Variants in IPO11 observed in about 807,000 individuals in gnomAD.
IPO11 encodes importin 11, also known as importin-11.
In IPO11, 66 loss-of-function variants were observed where a neutral mutation model predicts 143.2. That is an observed-to-expected ratio of 0.46 (90% CI 0.38 to 0.57). The LOEUF (loss-of-function observed/expected upper bound fraction) is 0.57, where lower values mean the gene tolerates loss of function less well. Ranked by LOEUF, IPO11 falls within the 20% of genes least tolerant of loss-of-function variation. The pLI is 0.00. For missense variants in IPO11, 1,026 were observed against 1,141.0 expected, an observed-to-expected ratio of 0.90 and a Z score of 1.45; for synonymous variants, 385 against 377.8, an observed-to-expected ratio of 1.02 and a Z score of -0.22.
At chr5:62,580,917 C>T (rs1458827214) in intron 27 of IPO11, 1 of 1,551,250 alleles carries the variant, frequency 6.4e-7, no homozygotes. Flanking sequence ...CTTCTGTTAC[C>T]TTGAACTTGG....
chr5:62,516,542 C>T (rs1742027837), intron 20 of IPO11, among the ~76,000 whole-genome samples: 1 of 152,096 alleles, frequency 6.6e-6, no homozygotes. Context: ...GATCCGCCCA[C>T]CTCAGGCTCC....
chr5:62,579,638 T>C, intron 27 of IPO11: 1 of 1,549,666 alleles, frequency 6.5e-7, no homozygotes, highest in Non-Finnish European at 8.7e-7. Flanking sequence ...TTTCTGTATC[T>C]GACTGGGAAT....
chr5:62,481,276 G>A (rs1313441236), intron 9 of IPO11, among the ~76,000 whole-genome samples: 5 of 152,036 alleles, frequency 3.3e-5, no homozygotes, highest in Non-Finnish European at 5.9e-5. Flanking sequence ...GATTGCCCTG[G>A]CCGGAACTTC....
intron 19 of IPO11, among the ~76,000 whole-genome samples, chr5:62,508,435 A>T (rs114579498): frequency 6.6e-6 from 1 of 151,668 alleles, no homozygotes; most frequent in Non-Finnish European, 1.5e-5. Flanking sequence ...GATGAGAACC[A>T]CCGCAGCTGG....
intron 2 of IPO11, among the ~76,000 whole-genome samples, chr5:62,438,537 G>C (rs970498359): frequency 7.9e-5 from 12 of 152,174 alleles, no homozygotes; most frequent in African/African-American, 2.6e-4. Flanking sequence ...TGGATCACCT[G>C]AGGTCAGGAG....
chr5:62,482,226 CA>C (rs1746239852), intron 9 of IPO11, among the ~76,000 whole-genome samples: 1 of 152,026 alleles, frequency 6.6e-6, no homozygotes, highest in Non-Finnish European at 1.5e-5. Flanking sequence ...TTGATCTTTT[CA>C]AAAAACCAGC....
chr5:62,494,836 TA>T (rs1334735874), intron 16 of IPO11, among the ~76,000 whole-genome samples: 1 of 152,186 alleles, frequency 6.6e-6, no homozygotes, highest in Non-Finnish European at 1.5e-5. Context: ...TTGTTTTAGG[TA>T]AAATTAAGTG....
intron 29 of IPO11, among the ~76,000 whole-genome samples, chr5:62,621,412 A>G (rs984858041): frequency 1.3e-5 from 2 of 152,206 alleles, no homozygotes; most frequent in Non-Finnish European, 2.9e-5. Flanking sequence ...TCAGGTTACC[A>G]CACAGGAACA....
intron 10 of IPO11, among the ~76,000 whole-genome samples, chr5:62,483,791 T>C (rs1746300153): frequency 6.6e-6 from 1 of 152,196 alleles, no homozygotes; most frequent in South Asian, 2.1e-4. Context: ...CGTGATGGTA[T>C]TGCATGGTAA....
At chr5:62,474,665 T>C (rs1338546093) in intron 8 of IPO11, among the ~76,000 whole-genome samples, 1 of 152,232 alleles carries the variant, frequency 6.6e-6, no homozygotes, top group East Asian at 1.9e-4. Flanking sequence ...AGATCCTATA[T>C]GTAGCTAAAA....
chr5:62,485,454 AGT>A lies in IPO11; in HGVS notation c.1211_1212del (p.Ser404IlefsTer6). 2 of 1,607,620 alleles carry A rather than the reference AGT, an allele frequency of 1.2e-6. No individual in the cohort carries two copies. Among genetic ancestry groups the A allele is most frequent in the Non-Finnish European group, 1.7e-6 (2 of 1,174,316 alleles). On this transcript the variant is annotated frameshift_variant, in exon 12 of 30. Coordinates refer to ENST00000325324, the MANE Select transcript of IPO11 (RefSeq NM_016338.5). LOFTEE classifies it high-confidence loss of function. Reference protein sequence around the residue: ...EETGGDSWKYSLRPCTEVLFI... With the variant: ...EETGGDSWKYXLRPCTEVLFI... ...AACAGGAGGAGATTCTTGGAAATAT[AGT>A]TTGAGGGTAAGTATTAATTGCAAGA...
intron 5 of IPO11, among the ~76,000 whole-genome samples, chr5:62,456,019 C>T (rs1226214274): frequency 6.6e-6 from 1 of 152,030 alleles, no homozygotes; most frequent in Non-Finnish European, 1.5e-5. Flanking sequence ...ACCACTGTGC[C>T]TGGCCAGGAA....
intron 3 of IPO11, among the ~76,000 whole-genome samples, chr5:62,448,793 A>G (rs548585218): frequency 6.6e-5 from 10 of 152,158 alleles, no homozygotes; most frequent in Non-Finnish European, 1.5e-4. Context: ...TCCTGGCCCC[A>G]AGCAGTCCTT....
Position 62,437,304 on chromosome 5 carries a change from G to A in IPO11, c.25G>A (p.Val9Ile), listed in dbSNP as rs1212918759. ...CATGGATCTCAATAGTGCCAGCACT[G>A]TTGTTCTTCAGGTGTTAACACAGGC... MDLNSAST[V>I]VLQVLTQATS... Residue 9 changes from valine to isoleucine, a missense_variant, in exon 2 of 30, where the codon GTT (valine) becomes ATT (isoleucine). Transcript: ENST00000325324. 1.4e-5 allele frequency: 22 copies of A among 1,610,630 alleles called. No homozygotes were observed. Among genetic ancestry groups the A allele is most frequent in the South Asian group, 4.4e-5 (4 of 90,458 alleles).
At chr5:62,433,521 A>G (rs965075781) in intron 1 of IPO11, among the ~76,000 whole-genome samples, 2 of 152,200 alleles carry the variant, frequency 1.3e-5, no homozygotes, top group African/African-American at 4.8e-5. Context: ...CTCTCACCCC[A>G]GTAGCCCACA....
At chr5:62,590,543 C>G (rs978970898) in intron 27 of IPO11, among the ~76,000 whole-genome samples, 6 of 152,144 alleles carry the variant, frequency 3.9e-5, no homozygotes, top group Admixed American at 2.0e-4. Flanking sequence ...CTGGTTGGAT[C>G]TGAGAAAATT....
In IPO11 at chr5:62,506,294, A is replaced by G; in HGVS notation, c.1719A>G (p.Glu573=). 1.9e-6 allele frequency: 3 copies of G among 1,611,442 alleles called. No homozygotes were observed. Among genetic ancestry groups the G allele is most frequent in the Non-Finnish European group, 2.5e-6 (3 of 1,178,480 alleles). Residue 573 remains glutamate (E), a synonymous_variant, in exon 19 of 30, where the codon GAA becomes GAG. Transcript: ENST00000325324. ...LLFQLLQQVT[E]CDTKMHVLHV... is the part of the protein sequence containing the mutation. ...TTCAGTTACTGCAGCAAGTTACAGAATGTGACACAAAGATGCATGTTTTGC... is the reference window on the plus strand; with the variant it reads ...TTCAGTTACTGCAGCAAGTTACAGAGTGTGACACAAAGATGCATGTTTTGC...
chr5:62,585,277 C>T (rs1054820457), intron 27 of IPO11, among the ~76,000 whole-genome samples: 1 of 152,146 alleles, frequency 6.6e-6, no homozygotes, highest in Non-Finnish European at 1.5e-5. Context: ...TTTCAAAACT[C>T]CCTTATCCTC....
intron 6 of IPO11, among the ~76,000 whole-genome samples, 170 bp from the exon 7 acceptor site, chr5:62,470,080 C>A (rs1745714254): frequency 6.6e-6 from 1 of 152,146 alleles, no homozygotes; most frequent in East Asian, 1.9e-4. Context: ...AAGAACTAGA[C>A]TTTAGTTCCA....
Sources: allele counts gnomAD v4.1 joint callset (sites outside exome capture counted in the v4.1 genomes callset), GRCh38; gene constraint gnomAD v4.1.1; transcripts MANE v1.5; gene names NCBI Gene and HGNC (gene_info 2026-07-23, HGNC 2026-07-21).